Variants in GIPC2 observed in about 807,000 individuals in gnomAD.
GIPC2 encodes the protein GIPC PDZ domain containing family member 2.
Under a neutral mutation model 30.6 loss-of-function variants are expected in GIPC2, and 30 were observed. The observed-to-expected ratio is 0.98, with a 90% CI of 0.73 to 1.33. The LOEUF is 1.33. Ranked by LOEUF, GIPC2 falls within the 40% of genes most tolerant of loss-of-function variation. The probability of loss-of-function intolerance (pLI) is 0.00; values close to 1 mark genes in which losing one functional copy is unlikely to be tolerated. For missense variants in GIPC2, 414 were observed against 390.3 expected, an observed-to-expected ratio of 1.06 and a Z score of -0.51; for synonymous variants, 167 against 150.0, an observed-to-expected ratio of 1.11 and a Z score of -0.83.
chr1:78,056,607 C>G (rs1342088161), intron 1 of GIPC2, among the ~76,000 whole-genome samples: 1 of 152,160 alleles, frequency 6.6e-6, no homozygotes, highest in African/African-American at 2.4e-5. Context: ...CCCTCATTAA[C>G]AAAATTTTTA....
upstream of GIPC2, chr1:78,045,536 GGTTTATGAATACAACGTA>G: frequency 1.0e-6 from 1 of 984,982 alleles, no homozygotes; most frequent in Non-Finnish European, 1.2e-6. Context: ...CGGCTGAGGG[GGTTTATGAATACAACGTA>G]GCACCAAGCT....
chr1:78,094,421 T>C (rs1418886631), intron 2 of GIPC2, among the ~76,000 whole-genome samples: 1 of 152,254 alleles, frequency 6.6e-6, no homozygotes, highest in Non-Finnish European at 1.5e-5. Context: ...GCAAATTACT[T>C]GATCTTCTGA....
At chr1:78,102,198 T>C (rs1662261658) in intron 3 of GIPC2, among the ~76,000 whole-genome samples, 1 of 152,226 alleles carries the variant, frequency 6.6e-6, no homozygotes, top group African/African-American at 2.4e-5. Flanking sequence ...GGGTTATATC[T>C]TCTTTTAGAA....
At chr1:78,123,370 TGGGGA>T (rs1662720886) in intron 4 of GIPC2, among the ~76,000 whole-genome samples, 1 of 151,884 alleles carries the variant, frequency 6.6e-6, no homozygotes, top group South Asian at 2.1e-4. Context: ...TAATGGGTTT[TGGGGA>T]CCTGTAAGCT....
In GIPC2 at chr1:78,046,317, G is replaced by A. The variant is rs762511595; in HGVS notation, c.223G>A (p.Glu75Lys). Reference protein sequence around the residue: ...ELYAQIAGAFEISPSEILYCT... With the variant: ...ELYAQIAGAFKISPSEILYCT... Reference sequence around the variant, plus strand: ...CTACGCCCAGATCGCGGGCGCGTTTGAAATCTCGCCGTCGGAGGTAAGGCG... The same window carrying A: ...CTACGCCCAGATCGCGGGCGCGTTTAAAATCTCGCCGTCGGAGGTAAGGCG... The change falls in exon 1 of 6, where the codon GAA (glutamate) becomes AAA (lysine). Residue 75 changes from glutamate (E) to lysine (K), a missense_variant. Glu to Lys is a moderately conservative substitution (Grantham distance 56). Coordinates refer to ENST00000370759, the MANE Select transcript of GIPC2 (RefSeq NM_017655.6). 3 of 1,611,200 alleles carry A rather than the reference G, an allele frequency of 1.9e-6. No homozygotes were observed. Among genetic ancestry groups the A allele is most frequent in the Non-Finnish European group, 8.5e-7 (1 of 1,179,388 alleles).
At chr1:78,095,572 ACCCC>A (rs1205158346) in intron 3 of GIPC2, among the ~76,000 whole-genome samples, 1 of 152,076 alleles carries the variant, frequency 6.6e-6, no homozygotes, top group South Asian at 2.1e-4. Context: ...CATTTTAAAG[ACCCC>A]CTTCCCCAAT....
intron 5 of GIPC2, among the ~76,000 whole-genome samples, chr1:78,130,105 T>TC (rs1662863955): frequency 8.5e-6 from 1 of 117,606 alleles, no homozygotes. Context: ...CTAGGATCAC[T>TC]TTTTTTTTTT....
At chr1:78,094,567 C>T (rs1273274057) in intron 2 of GIPC2, among the ~76,000 whole-genome samples, 2 of 151,988 alleles carry the variant, frequency 1.3e-5, no homozygotes, top group Admixed American at 6.6e-5. Context: ...GAGAGTGGCA[C>T]CTTACCCATT....
rs1189458394 is a variant in GIPC2 at position 78,137,083 on chromosome 1, A to G, written c.*1340A>G. Reference sequence around the variant, plus strand: ...GTATTGCCATCCACTCCTTTTTCAAATGAGTTTAATGCCATAAAGCTGATA... The same window carrying G: ...GTATTGCCATCCACTCCTTTTTCAAGTGAGTTTAATGCCATAAAGCTGATA... On this transcript the variant is annotated 3_prime_UTR_variant, in exon 6 of 6. Transcript: ENST00000370759. 1 of 152,172 alleles carries G rather than the reference A, an allele frequency of 6.6e-6. No homozygotes were observed. Among genetic ancestry groups the G allele is most frequent in the African/African-American group, 2.4e-5 (1 of 41,458 alleles). 9.4% of individuals were successfully genotyped at this position (152,172 alleles called of 1,614,324 possible).
At chr1:78,121,504 G>T (rs190345324) in intron 4 of GIPC2, among the ~76,000 whole-genome samples, 6 of 152,276 alleles carry the variant, frequency 3.9e-5, no homozygotes, top group Admixed American at 3.9e-4. Context: ...GTTTGTTGAA[G>T]TAGACACTTA....
chr1:78,080,933 T>C, intron 2 of GIPC2, 73 bp downstream of exon 2: 1 of 826,882 alleles, frequency 1.2e-6, no homozygotes, highest in Non-Finnish European at 1.8e-6. Context: ...CCAAAGAAAG[T>C]TAGAAATGAT....
At chr1:78,045,819 T>G, upstream of GIPC2, 2 of 1,215,050 alleles carry the variant, frequency 1.6e-6, no homozygotes, top group Non-Finnish European at 2.0e-6. Flanking sequence ...ATAGAGCCAT[T>G]TTTTACAAGG....
chr1:78,090,043 G>A (rs1329822340), intron 2 of GIPC2, among the ~76,000 whole-genome samples: 1 of 152,042 alleles, frequency 6.6e-6, no homozygotes, highest in Non-Finnish European at 1.5e-5. Flanking sequence ...ATTCAAAAAG[G>A]TAAAAACCAT....
chr1:78,067,664 G>A (rs986251241), intron 1 of GIPC2, among the ~76,000 whole-genome samples: 3 of 152,122 alleles, frequency 2.0e-5, no homozygotes, highest in Non-Finnish European at 4.4e-5. Context: ...TGTTGGCCAT[G>A]GTGGTCTTGA....
intron 4 of GIPC2, among the ~76,000 whole-genome samples, chr1:78,120,821 C>T (rs1015436555): frequency 6.6e-6 from 1 of 152,296 alleles, no homozygotes; most frequent in East Asian, 1.9e-4. Flanking sequence ...GGGTCCCTCC[C>T]ACAACATGTG....
At position 78,046,048 on chromosome 1, in the gene GIPC2, G is replaced by A. The variant is rs1283864157; in HGVS notation, c.-47G>A. 7.1e-7 allele frequency: 1 copy of A among 1,398,938 alleles called. No individual in the cohort carries two copies. Among genetic ancestry groups the A allele is most frequent in the Admixed American group, 3.8e-5 (1 of 26,636 alleles). 86.7% of individuals were successfully genotyped at this position (1,398,938 alleles called of 1,614,324 possible). A position where few individuals can be genotyped will look rare whatever the true frequency, so the allele number is the denominator to read the frequency against. ...AAAGTCCGAGGCGCCGGGGGGAGGAGGCGGCGGACGGCAGCGCAGGTGGGC... is the reference window on the plus strand; with the variant it reads ...AAAGTCCGAGGCGCCGGGGGGAGGAAGCGGCGGACGGCAGCGCAGGTGGGC... On this transcript the variant is annotated 5_prime_UTR_variant, in exon 1 of 6. Coordinates refer to ENST00000370759, the MANE Select transcript of GIPC2 (RefSeq NM_017655.6).
chr1:78,068,544 T>C (rs990335814), intron 1 of GIPC2, among the ~76,000 whole-genome samples: 6 of 152,192 alleles, frequency 3.9e-5, no homozygotes, highest in Non-Finnish European at 8.8e-5. Flanking sequence ...AAATTGATAT[T>C]TCAAACCAAC....
At chr1:78,126,220 GTTGT>G (rs974278258) in intron 5 of GIPC2, among the ~76,000 whole-genome samples, 61 of 152,250 alleles carry the variant, frequency 4.0e-4, no homozygotes, top group Admixed American at 1.6e-3. Flanking sequence ...CTCCTTTAGT[GTTGT>G]TTGTTTGGAT....
chr1:78,055,181 T>A (rs898005804), intron 1 of GIPC2, among the ~76,000 whole-genome samples: 2 of 152,150 alleles, frequency 1.3e-5, no homozygotes, highest in African/African-American at 4.8e-5. Context: ...CATCCTCATG[T>A]AACAGAAGGG....
Sources: allele counts gnomAD v4.1 joint callset (sites outside exome capture counted in the v4.1 genomes callset), GRCh38; gene constraint gnomAD v4.1.1; transcripts MANE v1.5; gene names NCBI Gene and HGNC (gene_info 2026-07-23, HGNC 2026-07-21).